The following TRPM3 variants were observed in gnomAD, a reference collection of about 807,000 sequenced individuals.
TRPM3 encodes the protein long transient receptor potential channel 3.
TRPM3 carries 77 observed loss-of-function variants against 181.2 expected under a neutral mutation model. The observed-to-expected ratio is 0.42, with a 90% CI of 0.35 to 0.51. TRPM3 has a LOEUF of 0.51. Among genes scored for constraint, TRPM3 ranks in the 20% least tolerant of loss-of-function variants. The pLI, the probability that TRPM3 is intolerant of heterozygous loss-of-function variation, is 0.01. For synonymous variants in TRPM3, 745 were observed against 796.4 expected (o/e 0.94, Z 1.09); for missense variants, 1,759 against 2,196.7 (o/e 0.80, Z 3.98).
At chr9:70,936,818 T>C (rs1001438423) in intron 1 of TRPM3, among the ~76,000 whole-genome samples, 1 of 152,326 alleles carries the variant, frequency 6.6e-6, no homozygotes. Context: ...CACAGCTTAG[T>C]TGATTCCAGG....
In TRPM3 at chr9:70,530,972, AC is replaced by A. The variant is rs1367601491; in HGVS notation, c.*4980del. The A allele has an allele frequency of 6.6e-6, 1 of 152,184 alleles. No homozygotes were observed. The highest frequency in any genetic ancestry group is 2.4e-5 in the African/African-American group (1 of 41,442). 9.4% of individuals were successfully genotyped at this position (152,184 alleles called of 1,614,324 possible). The stretch of plus-strand genomic sequence containing the variant: ...AGAACCACCCAGTGCTTCATCAGAC[AC>A]CCAAACACACGCCTCCCACCCCCAA... On this transcript the variant is annotated 3_prime_UTR_variant, in exon 26 of 26. Transcript: ENST00000677713.
intron 1 of TRPM3, among the ~76,000 whole-genome samples, chr9:70,943,479 C>T (rs1433557226): frequency 6.6e-6 from 1 of 152,184 alleles, no homozygotes. Flanking sequence ...TTCAATAACC[C>T]GAGTTGACTG....
intron 17 of TRPM3, among the ~76,000 whole-genome samples, chr9:70,618,480 T>C (rs1192023983): frequency 3.9e-5 from 6 of 152,230 alleles, no homozygotes; most frequent in African/African-American, 1.2e-4. Context: ...TATGACATGA[T>C]GCCAAGGAGG....
chr9:71,186,290 G>A (rs1321038953), intron 1 of TRPM3, among the ~76,000 whole-genome samples: 1 of 152,020 alleles, frequency 6.6e-6, no homozygotes, highest in Non-Finnish European at 1.5e-5. Context: ...TAGAAACCAT[G>A]TTTAGTCCCT....
chr9:70,591,477 G>A (rs974436177), intron 21 of TRPM3, among the ~76,000 whole-genome samples: 3 of 152,102 alleles, frequency 2.0e-5, no homozygotes, highest in East Asian at 1.9e-4. Flanking sequence ...CTGTGGGACC[G>A]AGCATAGGTC....
intron 1 of TRPM3, among the ~76,000 whole-genome samples, chr9:71,097,052 C>T (rs543770905): frequency 3.3e-5 from 5 of 152,188 alleles, no homozygotes; most frequent in East Asian, 1.9e-4. Flanking sequence ...GCAACACTAG[C>T]GGTTTCCTAT....
At chr9:70,855,720 G>T in intron 3 of TRPM3, among the ~76,000 whole-genome samples, 1 of 152,084 alleles carries the variant, frequency 6.6e-6, no homozygotes, top group East Asian at 1.9e-4. Flanking sequence ...CTCTTTGTAG[G>T]TACCTTTAAA....
chr9:70,743,605 G>C (rs1587705771), intron 8 of TRPM3, among the ~76,000 whole-genome samples: 1 of 152,058 alleles, frequency 6.6e-6, no homozygotes, highest in Non-Finnish European at 1.5e-5. Context: ...GAGTCATCCA[G>C]CTGTCCTGTT....
At chr9:70,609,597 A>T (rs746612761) in intron 19 of TRPM3, among the ~76,000 whole-genome samples, 49 of 152,218 alleles carry the variant, frequency 3.2e-4, no homozygotes, top group Non-Finnish European at 5.9e-4. Flanking sequence ...GCTGTAAAAC[A>T]TGCTACCTGT....
At chr9:70,584,055 T>C (rs1173256484) in intron 22 of TRPM3, among the ~76,000 whole-genome samples, 1 of 152,152 alleles carries the variant, frequency 6.6e-6, no homozygotes, top group Admixed American at 6.5e-5. Flanking sequence ...GTACCTTTTT[T>C]TTGAGACAGG....
At chr9:70,692,616 C>T (rs763181096) in intron 8 of TRPM3, among the ~76,000 whole-genome samples, 19 of 152,162 alleles carry the variant, frequency 1.2e-4, no homozygotes, top group Non-Finnish European at 2.1e-4. Context: ...TACTTCGAGG[C>T]GGAGGAGCCA....
In TRPM3 at chr9:71,328,904, G is replaced by C. The variant is rs577854487; in HGVS notation, c.183+117749C>G. 1.3e-5 allele frequency among the ~76,000 whole-genome samples: 2 copies of C among 152,326 alleles called. 1 individual carries two copies. Among genetic ancestry groups the C allele is most frequent in the Admixed American group, 1.3e-4 (2 of 15,298 alleles). ...ATCCCTATAACCATTCCCAGAGGCT[G>C]ACACCTTTTGTACTCACATATGGAC... On this transcript the variant is annotated intron_variant, in intron 1 of 24. Transcript: ENST00000357533.
chr9:71,134,532 C>A (rs1258128239), intron 1 of TRPM3, among the ~76,000 whole-genome samples: 1 of 117,440 alleles, frequency 8.5e-6, no homozygotes, highest in Admixed American at 1.2e-4. Context: ...AGCCTGGTGA[C>A]AGAGCAATGC....
chr9:70,859,209 G>A (rs997357381), intron 3 of TRPM3, among the ~76,000 whole-genome samples: 1 of 152,140 alleles, frequency 6.6e-6, no homozygotes, highest in Non-Finnish European at 1.5e-5. Context: ...GTTCCACAAA[G>A]TATATAGCTG....
At chr9:70,581,991 C>A (rs2055906296) in intron 22 of TRPM3, among the ~76,000 whole-genome samples, 1 of 150,598 alleles carries the variant, frequency 6.6e-6, no homozygotes, top group Admixed American at 6.6e-5. Flanking sequence ...TCTTTTTCTC[C>A]CTCCCTTCCT....
At chr9:71,270,242 C>G (rs1053034562) in intron 1 of TRPM3, among the ~76,000 whole-genome samples, 1 of 152,140 alleles carries the variant, frequency 6.6e-6, no homozygotes, top group African/African-American at 2.4e-5. Flanking sequence ...CACAGCTACT[C>G]AGGAGGCTGA....
intron 1 of TRPM3, among the ~76,000 whole-genome samples, chr9:71,143,504 G>C (rs973357731): frequency 1.3e-5 from 2 of 152,078 alleles, no homozygotes; most frequent in African/African-American, 4.8e-5. Context: ...TCATGTCCCT[G>C]CAAGGGACAT....
At chr9:71,368,671 T>G (rs2092416372) in intron 1 of TRPM3, among the ~76,000 whole-genome samples, 1 of 152,248 alleles carries the variant, frequency 6.6e-6, no homozygotes, top group Non-Finnish European at 1.5e-5. Context: ...TTTACTAGTC[T>G]GAAATGTTTG....
intron 6 of TRPM3, among the ~76,000 whole-genome samples, chr9:70,810,884 A>C (rs1437255808): frequency 3.3e-5 from 5 of 152,204 alleles, no homozygotes; most frequent in African/African-American, 4.8e-5. Flanking sequence ...TAAAAGAGAT[A>C]GTATATATGA....
Sources: allele counts gnomAD v4.1 joint callset (sites outside exome capture counted in the v4.1 genomes callset), GRCh38; gene constraint gnomAD v4.1.1; transcripts MANE v1.5; gene names NCBI Gene and HGNC (gene_info 2026-07-23, HGNC 2026-07-21).